PDZRN4: variants seen among roughly 807,000 people sequenced by gnomAD.
PDZRN4 encodes PDZ domain containing ring finger 4.
In PDZRN4, 70 loss-of-function variants were observed where a neutral mutation model predicts 99.0. The ratio of observed to expected loss-of-function variants is 0.71; its 90% CI spans 0.58 to 0.86. PDZRN4 has a LOEUF of 0.86. PDZRN4 is among the 40% of genes least tolerant of loss of function. The pLI, the probability that PDZRN4 is intolerant of heterozygous loss-of-function variation, is 0.00. For synonymous variants in PDZRN4, 551 were observed against 501.6 expected (o/e 1.10, Z -1.32); for missense variants, 1,474 against 1,331.2 (o/e 1.11, Z -1.67).
intron 3 of PDZRN4, among the ~76,000 whole-genome samples, chr12:41,330,002 G>A (rs561713554): frequency 1.3e-5 from 2 of 152,174 alleles, no homozygotes; most frequent in Admixed American, 6.6e-5. Context: ...GAGAATTATA[G>A]CATACAGAGA....
intron 3 of PDZRN4, among the ~76,000 whole-genome samples, chr12:41,495,289 CTGAAAA>C (rs765748924): frequency 9.9e-5 from 15 of 152,082 alleles, no homozygotes; most frequent in Non-Finnish European, 2.2e-4. Context: ...AAAATAACCT[CTGAAAA>C]TGTAAGTCTT....
intron 5 of PDZRN4, among the ~76,000 whole-genome samples, chr12:41,533,233 G>A (rs1938692332): frequency 1.3e-5 from 2 of 151,064 alleles, no homozygotes; most frequent in African/African-American, 4.9e-5. Context: ...GGAGGGCAGT[G>A]GTACGATCTT....
chr12:41,397,263 C>A (rs961213764), intron 3 of PDZRN4, among the ~76,000 whole-genome samples: 1 of 152,164 alleles, frequency 6.6e-6, no homozygotes, highest in Non-Finnish European at 1.5e-5. Context: ...TCTCTCCCTT[C>A]ATGCTACATG....
intron 3 of PDZRN4, among the ~76,000 whole-genome samples, chr12:41,301,713 A>C (rs909462934): frequency 6.6e-6 from 1 of 151,916 alleles, no homozygotes; most frequent in East Asian, 1.9e-4. Flanking sequence ...GTGGCATAGC[A>C]AGAGAAAACA....
At chr12:41,506,382 G>C in intron 3 of PDZRN4, 74 bp from the exon 4 acceptor site, 1 of 1,400,016 alleles carries the variant, frequency 7.1e-7, no homozygotes, top group Non-Finnish European at 9.7e-7. Flanking sequence ...CTTTCTCTCT[G>C]TCTTTTATTA....
intron 3 of PDZRN4, among the ~76,000 whole-genome samples, chr12:41,414,185 G>A (rs1008478792): frequency 1.3e-5 from 2 of 152,130 alleles, no homozygotes; most frequent in Non-Finnish European, 2.9e-5. Context: ...TCTGTTGTTA[G>A]CCTGACAGGG....
At chr12:41,447,057 AGGGGCTTAGTGCC>A (rs1224164763) in intron 3 of PDZRN4, among the ~76,000 whole-genome samples, 2 of 152,082 alleles carry the variant, frequency 1.3e-5, no homozygotes, top group Non-Finnish European at 2.9e-5. Context: ...ACAAAAGTGA[AGGGGCTTAGTGCC>A]GTCATCCCCA....
chr12:41,269,394 A>G (rs7486754), intron 3 of PDZRN4, among the ~76,000 whole-genome samples: 20,714 of 152,178 alleles, frequency 0.14, 2,185 homozygotes, highest in African/African-American at 0.29. Flanking sequence ...GTATCATACA[A>G]GAAGCAGATA....
At chr12:41,532,636 T>C (rs1301231063) in intron 5 of PDZRN4, among the ~76,000 whole-genome samples, 1 of 152,144 alleles carries the variant, frequency 6.6e-6, no homozygotes, top group Non-Finnish European at 1.5e-5. Flanking sequence ...GTAGTGCATA[T>C]TTTTCTGCAA....
chr12:41,516,271 T>G (rs1177712215), intron 5 of PDZRN4, among the ~76,000 whole-genome samples: 1 of 152,070 alleles, frequency 6.6e-6, no homozygotes, highest in Non-Finnish European at 1.5e-5. Context: ...TCTTTCATAA[T>G]AGAAGTGACC....
intron 3 of PDZRN4, among the ~76,000 whole-genome samples, chr12:41,356,397 A>G (rs916733689): frequency 6.6e-6 from 1 of 151,962 alleles, no homozygotes; most frequent in Non-Finnish European, 1.5e-5. Flanking sequence ...ATAAAAAATA[A>G]AAATAACAAT....
At chr12:41,508,486 A>C (rs1326871766) in intron 4 of PDZRN4, among the ~76,000 whole-genome samples, 1 of 152,190 alleles carries the variant, frequency 6.6e-6, no homozygotes. Context: ...TTGGCCTTGC[A>C]TCTGGCAGCC....
chr12:41,254,555 A>G (rs1951191383), intron 3 of PDZRN4, among the ~76,000 whole-genome samples: 1 of 152,278 alleles, frequency 6.6e-6, no homozygotes, highest in African/African-American at 2.4e-5. Context: ...ATTAGAAAGT[A>G]GACCACTATA....
At chr12:41,561,288 C>T (rs1333263548) in intron 7 of PDZRN4, among the ~76,000 whole-genome samples, 2 of 152,028 alleles carry the variant, frequency 1.3e-5, no homozygotes, top group African/African-American at 4.8e-5. Context: ...AGAGTCTTGT[C>T]TTTACTAAGG....
At chr12:41,483,235 C>T (rs1937710536) in intron 3 of PDZRN4, among the ~76,000 whole-genome samples, 2 of 151,940 alleles carry the variant, frequency 1.3e-5, no homozygotes, top group Admixed American at 6.6e-5. Flanking sequence ...TTTCAATTTC[C>T]TTTTTTAAGG....
intron 3 of PDZRN4, among the ~76,000 whole-genome samples, chr12:41,375,765 G>T (rs1262618135): frequency 6.6e-6 from 1 of 152,102 alleles, no homozygotes; most frequent in Non-Finnish European, 1.5e-5. Context: ...GTGTGTATTT[G>T]TGAGGTGACA....
chr12:41,289,028 A>T (rs998149593), intron 3 of PDZRN4, among the ~76,000 whole-genome samples: 4 of 152,030 alleles, frequency 2.6e-5, no homozygotes, highest in Non-Finnish European at 4.4e-5. Flanking sequence ...GAAATACTAG[A>T]TGGAAAACAA....
intron 3 of PDZRN4, among the ~76,000 whole-genome samples, chr12:41,479,256 G>C (rs915135110): frequency 6.6e-6 from 1 of 152,110 alleles, no homozygotes; most frequent in African/African-American, 2.4e-5. Flanking sequence ...TCTTGAGATT[G>C]GAATAGTATT....
chr12:41,226,207 G>C (rs1233506352), intron 3 of PDZRN4, among the ~76,000 whole-genome samples: 1 of 151,982 alleles, frequency 6.6e-6, no homozygotes, highest in Non-Finnish European at 1.5e-5. Flanking sequence ...TCATGGCTTT[G>C]CTCCAACATG....
Sources: allele counts gnomAD v4.1 joint callset (sites outside exome capture counted in the v4.1 genomes callset), GRCh38; gene constraint gnomAD v4.1.1; transcripts MANE v1.5; gene names NCBI Gene and HGNC (gene_info 2026-07-23, HGNC 2026-07-21).